The following PIAS2 variants were observed in gnomAD, a reference collection of about 807,000 sequenced individuals.
The protein encoded by PIAS2 is protein inhibitor of activated STAT 2.
A neutral mutation model predicts 69.7 loss-of-function variants in PIAS2; 19 were observed. The ratio of observed to expected loss-of-function variants is 0.27; its 90% CI spans 0.19 to 0.40. The LOEUF (loss-of-function observed/expected upper bound fraction) is 0.40, where lower values mean the gene tolerates loss of function less well. Ranked by LOEUF, PIAS2 falls within the 10% of genes least tolerant of loss-of-function variation. The pLI is 1.00. For synonymous variants in PIAS2, 261 were observed against 263.2 expected (o/e 0.99, Z 0.08); for missense variants, 624 against 757.0 (o/e 0.82, Z 2.06).
intron 3 of PIAS2, among the ~76,000 whole-genome samples, chr18:46,855,992 C>CTTTT (rs1256937354): frequency 5.8e-5 from 4 of 69,142 alleles, no homozygotes; most frequent in Non-Finnish European, 8.9e-5. Flanking sequence ...TTTTCTTTTT[C>CTTTT]TTTTGTTTTT....
intron 2 of PIAS2, among the ~76,000 whole-genome samples, chr18:46,886,590 C>G (rs903079462): frequency 3.3e-5 from 5 of 152,186 alleles, no homozygotes; most frequent in Non-Finnish European, 7.3e-5. Flanking sequence ...GTAATCCCAG[C>G]ACTTTGGGAG....
At chr18:46,874,810 C>T (rs1456637222) in intron 2 of PIAS2, among the ~76,000 whole-genome samples, 1 of 152,142 alleles carries the variant, frequency 6.6e-6, no homozygotes, top group African/African-American at 2.4e-5. Flanking sequence ...CTTGGAGTTC[C>T]CAGCATGTCA....
At chr18:46,843,981 CACTT>C (rs1426547017) in intron 8 of PIAS2, 69 bp downstream of exon 8, 21 of 845,740 alleles carry the variant, frequency 2.5e-5, no homozygotes, top group Non-Finnish European at 3.9e-5. Context: ...TTCATTCCCA[CACTT>C]ACTTTTATAG....
intron 1 of PIAS2, among the ~76,000 whole-genome samples, chr18:46,905,482 A>G (rs999693834): frequency 6.6e-6 from 1 of 152,164 alleles, no homozygotes; most frequent in African/African-American, 2.4e-5. Context: ...AAAGAAAAGA[A>G]GAGCAAAAAT....
chr18:46,917,607 G>C (rs930350254), upstream of PIAS2: 9 of 995,198 alleles, frequency 9.0e-6, no homozygotes, highest in Non-Finnish European at 9.6e-6. Context: ...CCTTCAGTCC[G>C]CGCGGCGACA....
intron 5 of PIAS2, among the ~76,000 whole-genome samples, chr18:46,855,103 TAAAAAAAAAAA>T (rs59957336): frequency 5.2e-5 from 4 of 76,348 alleles, no homozygotes; most frequent in Non-Finnish European, 6.9e-5. Flanking sequence ...CTTGTCTCTT[TAAAAAAAAAAA>T]AAAAAAAAAA....
chr18:46,862,038 A>G lies in PIAS2; in HGVS notation c.584+2126T>C, dbSNP rs530126960. Reference sequence around the variant, plus strand: ...ATCTAAATAAAAATTACTACAAAATATAAAGTTTTTATGCCGGGCATGGTG... The same window carrying G: ...ATCTAAATAAAAATTACTACAAAATGTAAAGTTTTTATGCCGGGCATGGTG... On this transcript the variant is annotated intron_variant, in intron 3 of 13. Transcript: ENST00000585916. Among the ~76,000 whole-genome samples the G allele has an allele frequency of 5.3e-5, 8 of 152,328 alleles. No homozygotes were observed. In the East Asian group the frequency reaches 1.5e-3, roughly 29 times the overall value.
intron 11 of PIAS2, among the ~76,000 whole-genome samples, chr18:46,822,390 T>C (rs531856065): frequency 6.6e-6 from 1 of 152,266 alleles, no homozygotes; most frequent in Admixed American, 6.5e-5. Flanking sequence ...GGCAATAACA[T>C]AAGCCTGGTA....
At chr18:46,815,410 C>A in intron 12 of PIAS2, 61 bp from the exon 13 acceptor site, 2 of 1,606,168 alleles carry the variant, frequency 1.2e-6, no homozygotes, top group South Asian at 1.1e-5. Context: ...AATTATTTCC[C>A]TAAATCATCT....
intron 13 of PIAS2, among the ~76,000 whole-genome samples, chr18:46,814,159 T>C (rs2041262154): frequency 6.6e-6 from 1 of 152,164 alleles, no homozygotes. Flanking sequence ...GTTCTAACCC[T>C]GCATCCCTAA....
At chr18:46,902,044 A>G (rs2055944094) in intron 1 of PIAS2, among the ~76,000 whole-genome samples, 1 of 152,216 alleles carries the variant, frequency 6.6e-6, no homozygotes, top group South Asian at 2.1e-4. Flanking sequence ...AACAACTCCT[A>G]GAACTTGTGA....
At chr18:46,893,325 A>C (rs2054347566) in intron 1 of PIAS2, 1 of 224,692 alleles carries the variant, frequency 4.5e-6, no homozygotes, top group Non-Finnish European at 7.4e-6. Context: ...TTTCTAACTC[A>C]GAATTCACTA....
chr18:46,881,819 C>T (rs2052315471), intron 2 of PIAS2, among the ~76,000 whole-genome samples: 1 of 152,260 alleles, frequency 6.6e-6, no homozygotes, highest in African/African-American at 2.4e-5. Context: ...TACACAGACA[C>T]CGGGCACGGT....
intron 1 of PIAS2, among the ~76,000 whole-genome samples, chr18:46,903,148 G>C (rs2056133617): frequency 6.6e-6 from 1 of 152,048 alleles, no homozygotes; most frequent in African/African-American, 2.4e-5. Context: ...CTAAGACTAG[G>C]CAGAGTTCTT....
At chr18:46,885,875 A>G (rs2053098233) in intron 2 of PIAS2, among the ~76,000 whole-genome samples, 1 of 152,276 alleles carries the variant, frequency 6.6e-6, no homozygotes, top group South Asian at 2.1e-4. Flanking sequence ...CAAATGAGAT[A>G]GTTTTGAACA....
intron 8 of PIAS2, among the ~76,000 whole-genome samples, chr18:46,842,813 T>G (rs995492533): frequency 6.6e-6 from 1 of 152,170 alleles, no homozygotes; most frequent in Non-Finnish European, 1.5e-5. Context: ...TTTCAGGTCT[T>G]ACCCTACTGG....
At chr18:46,845,863 C>T (rs1270237322) in intron 6 of PIAS2, among the ~76,000 whole-genome samples, 1 of 152,096 alleles carries the variant, frequency 6.6e-6, no homozygotes, top group Admixed American at 6.5e-5. Context: ...TGTCTACAAT[C>T]ATTTATTCCA....
intron 1 of PIAS2, among the ~76,000 whole-genome samples, chr18:46,910,301 G>C (rs1008827184): frequency 2.0e-5 from 3 of 152,196 alleles, no homozygotes; most frequent in African/African-American, 7.2e-5. Flanking sequence ...GATGTGATCA[G>C]GAAAGTGCAT....
intron 8 of PIAS2, among the ~76,000 whole-genome samples, chr18:46,837,275 T>C (rs1269744286): frequency 6.6e-6 from 1 of 151,836 alleles, no homozygotes; most frequent in East Asian, 1.9e-4. Flanking sequence ...TATAATGTTA[T>C]TAAATTCTTC....
Sources: gnomAD v4.1 joint callset for allele counts (sites outside exome capture counted in the v4.1 genomes callset) on GRCh38, gnomAD v4.1.1 for gene constraint, MANE v1.5 for transcripts, NCBI Gene and HGNC (gene_info 2026-07-23, HGNC 2026-07-21) for gene names.